The following CACNA1D variants were observed in gnomAD, a reference collection of about 807,000 sequenced individuals.
CACNA1D encodes the protein voltage-dependent L-type calcium channel subunit alpha-1D.
A neutral mutation model predicts 257.1 loss-of-function variants in CACNA1D; 55 were observed. The ratio of observed to expected loss-of-function variants is 0.21; its 90% confidence interval spans 0.17 to 0.27. CACNA1D has a LOEUF of 0.27. CACNA1D is among the 10% of genes least tolerant of loss of function. The pLI is 1.00. For synonymous variants in CACNA1D, 980 were observed against 1,014.9 expected, an observed-to-expected ratio of 0.97 and a Z score of 0.65; for missense variants, 1,876 against 2,784.0, an observed-to-expected ratio of 0.67 and a Z score of 7.34.
intron 3 of CACNA1D, among the ~76,000 whole-genome samples, chr3:53,563,070 A>C (rs1192945636): frequency 6.6e-6 from 1 of 152,170 alleles, no homozygotes; most frequent in African/African-American, 2.4e-5. Context: ...TTTAGTTGAT[A>C]CTAAAGGATA....
At chr3:53,797,326 G>C (rs114578537) in intron 40 of CACNA1D, among the ~76,000 whole-genome samples, 11 of 152,130 alleles carry the variant, frequency 7.2e-5, no homozygotes, top group African/African-American at 2.7e-4. Flanking sequence ...TCCCAGTCGT[G>C]GGGGACAGCC....
At chr3:53,705,868 A>G (rs1232907738) in intron 9 of CACNA1D, among the ~76,000 whole-genome samples, 1 of 152,166 alleles carries the variant, frequency 6.6e-6, no homozygotes, top group Admixed American at 6.5e-5. Flanking sequence ...TCTTCCTGTC[A>G]CAGCCAGAAA....
intron 3 of CACNA1D, among the ~76,000 whole-genome samples, chr3:53,565,915 T>C (rs1205345763): frequency 6.6e-6 from 1 of 152,168 alleles, no homozygotes; most frequent in Non-Finnish European, 1.5e-5. Flanking sequence ...CAGAGTAATA[T>C]CAAGTAGAAT....
intron 9 of CACNA1D, among the ~76,000 whole-genome samples, chr3:53,718,084 GAC>G (rs2108680520): frequency 6.6e-6 from 1 of 152,286 alleles, no homozygotes; most frequent in South Asian, 2.1e-4. Flanking sequence ...CCTCGAGGGG[GAC>G]TGTGTTTCCT....
rs2095538918 is a variant in CACNA1D at position 53,802,055 on chromosome 3, C to G, written c.5409-92C>G. On this transcript the variant is annotated intron_variant, in intron 42 of 47. Transcript: ENST00000350061. ...GAATCATAATTTGCTAACCCCTACT[C>G]TAGGAGGTAGCCTGATGTTTGCATT... 4.4e-6 allele frequency: 5 copies of G among 1,135,618 alleles called. No individual in the cohort carries two copies. The East Asian group carries it at 9.4e-5, about 21-fold the overall frequency. 70.3% of individuals were successfully genotyped at this position (1,135,618 alleles called of 1,614,324 possible).
chr3:53,548,313 A>G (rs1405517802), intron 3 of CACNA1D, among the ~76,000 whole-genome samples: 1 of 147,496 alleles, frequency 6.8e-6, no homozygotes. Context: ...AATTTTCCAG[A>G]GTGCTAAAGC....
chr3:53,780,193 C>A, intron 38 of CACNA1D, 65 bp downstream of exon 38: 2 of 1,278,482 alleles, frequency 1.6e-6, no homozygotes, highest in Non-Finnish European at 2.3e-6. Flanking sequence ...TCCCATCTTG[C>A]CTTCCTCATC....
intron 3 of CACNA1D, among the ~76,000 whole-genome samples, chr3:53,610,057 G>A (rs1185819249): frequency 1.3e-5 from 2 of 152,138 alleles, no homozygotes. Context: ...ACATCAAAAG[G>A]TCAATCATTG....
At chr3:53,678,875 C>G (rs2094400992) in intron 8 of CACNA1D, 1 of 152,032 alleles carries the variant, frequency 6.6e-6, no homozygotes, top group African/African-American at 2.4e-5. Flanking sequence ...GCAAAACACA[C>G]CAATAGATAG....
intron 1 of CACNA1D, 116 bp from the exon 2 acceptor site, chr3:53,497,036 A>G: frequency 1.2e-6 from 1 of 805,910 alleles, no homozygotes; most frequent in Non-Finnish European, 2.0e-6. Flanking sequence ...TCAAAATGGA[A>G]ACATAGGAGT....
intron 4 of CACNA1D, among the ~76,000 whole-genome samples, chr3:53,653,810 G>A (rs2094121980): frequency 6.6e-6 from 1 of 152,048 alleles, no homozygotes. Context: ...TTTTCCAAAT[G>A]TGATGAAAAA....
chr3:53,703,234 G>A (rs995713692), intron 9 of CACNA1D, among the ~76,000 whole-genome samples: 17 of 152,188 alleles, frequency 1.1e-4, no homozygotes, highest in Non-Finnish European at 1.8e-4. Flanking sequence ...CTTACTCTTA[G>A]GCCACCTGAC....
chr3:53,637,439 AG>A (rs2093897356), intron 3 of CACNA1D, among the ~76,000 whole-genome samples: 1 of 121,304 alleles, frequency 8.2e-6, no homozygotes, highest in African/African-American at 3.2e-5. Flanking sequence ...TGCTGCTCTA[AG>A]GTTTTTTTTT....
chr3:53,645,246 T>C (rs140709318), intron 3 of CACNA1D, among the ~76,000 whole-genome samples: 3 of 152,308 alleles, frequency 2.0e-5, no homozygotes, highest in African/African-American at 7.2e-5. Context: ...GGTTTAAAAA[T>C]ATTTTCTCCC....
intron 7 of CACNA1D, among the ~76,000 whole-genome samples, chr3:53,668,561 T>C (rs928688257): frequency 3.9e-5 from 6 of 152,246 alleles, no homozygotes; most frequent in Admixed American, 2.0e-4. Flanking sequence ...TCTGTATCCC[T>C]TTATAGAAGG....
At chr3:53,781,947 A>T (rs2095427410) in intron 39 of CACNA1D, 1 of 419,326 alleles carries the variant, frequency 2.4e-6, no homozygotes, top group Non-Finnish European at 4.3e-6. Flanking sequence ...TGAGGACAAG[A>T]TTGTGATCTC....
intron 3 of CACNA1D, among the ~76,000 whole-genome samples, chr3:53,632,194 T>G (rs2093828976): frequency 6.6e-6 from 1 of 152,242 alleles, no homozygotes. Flanking sequence ...ATCAGTGATC[T>G]TAGATCGTCT....
At chr3:53,743,228 T>A (rs1218928549) in intron 22 of CACNA1D, 111 bp downstream of exon 22, 1 of 730,128 alleles carries the variant, frequency 1.4e-6, no homozygotes. Flanking sequence ...TATTTAGTTA[T>A]ATAGGTTTAT....
At chr3:53,658,013 T>C (rs2094165225) in intron 4 of CACNA1D, among the ~76,000 whole-genome samples, 2 of 152,254 alleles carry the variant, frequency 1.3e-5, no homozygotes, top group Admixed American at 6.5e-5. Context: ...CTCTATTACT[T>C]AAGCTTTTTT....
Sources: gnomAD v4.1 joint callset for allele counts (sites outside exome capture counted in the v4.1 genomes callset) on GRCh38, gnomAD v4.1.1 for gene constraint, MANE v1.5 for transcripts, NCBI Gene and HGNC (gene_info 2026-07-23, HGNC 2026-07-21) for gene names.